Variants in RAI14 observed in about 807,000 individuals in gnomAD.
RAI14 encodes ankycorbin.
In RAI14, 45 loss-of-function variants were observed where a neutral mutation model predicts 115.4. The observed-to-expected ratio is 0.39, with a 90% CI of 0.31 to 0.50. RAI14 has a LOEUF of 0.50. Ranked by LOEUF, RAI14 falls within the 20% of genes least tolerant of loss-of-function variation. The pLI is 0.85. For missense variants in RAI14, 939 were observed against 1,131.2 expected, an observed-to-expected ratio of 0.83 and a Z score of 2.44; for synonymous variants, 371 against 415.4, an observed-to-expected ratio of 0.89 and a Z score of 1.30.
At chr5:34,748,507 T>C (rs1746580715) in intron 2 of RAI14, among the ~76,000 whole-genome samples, 1 of 152,224 alleles carries the variant, frequency 6.6e-6, no homozygotes, top group South Asian at 2.1e-4. Flanking sequence ...ATATTACTTC[T>C]TGCAAGGACT....
intron 2 of RAI14, among the ~76,000 whole-genome samples, chr5:34,718,174 A>G (rs1299934918): frequency 6.6e-6 from 1 of 152,228 alleles, no homozygotes; most frequent in Non-Finnish European, 1.5e-5. Flanking sequence ...GTGGCTGCCC[A>G]TTATTTAAGA....
At chr5:34,812,575 G>A (rs960681629) in intron 10 of RAI14, among the ~76,000 whole-genome samples, 10 of 152,016 alleles carry the variant, frequency 6.6e-5, no homozygotes, top group African/African-American at 2.2e-4. Context: ...TGAGGCAGGA[G>A]AATCACTTGA....
At chr5:34,770,076 G>A (rs1749954624) in intron 3 of RAI14, among the ~76,000 whole-genome samples, 1 of 152,150 alleles carries the variant, frequency 6.6e-6, no homozygotes, top group Admixed American at 6.5e-5. Flanking sequence ...AAAATCGAAT[G>A]TGTATAAGAG....
intron 1 of RAI14, chr5:34,686,445 T>C (rs10072560): frequency 0.74 from 112,001 of 152,030 alleles, 41,543 homozygotes; most frequent in Middle Eastern, 0.82. Context: ...AACATGGTAA[T>C]TATAGTTAGT....
Position 34,803,783 on chromosome 5 carries a change from T to C in RAI14, c.321+7T>C. 6.2e-7 allele frequency: 1 copy of C among 1,608,506 alleles called. No individual in the cohort carries two copies. Among genetic ancestry groups the C allele is most frequent in the Non-Finnish European group, 8.5e-7 (1 of 1,176,478 alleles). On this transcript the variant is annotated splice_region_variant and intron_variant, in intron 5 of 17. Coordinates refer to ENST00000265109, the MANE Select transcript of RAI14 (RefSeq NM_015577.3). ...CATCAGGAAGCTGCTTCAGGTAAGC[T>C]GGTGACAACTTAGAATTATAAATGT...
chr5:34,694,929 C>T (rs1739040822), intron 2 of RAI14, among the ~76,000 whole-genome samples: 1 of 151,938 alleles, frequency 6.6e-6, no homozygotes, highest in African/African-American at 2.4e-5. Context: ...GACAGAGTCT[C>T]GCTCTGTCAC....
At chr5:34,825,306 C>T (rs1191742838) in intron 15 of RAI14, among the ~76,000 whole-genome samples, 7 of 152,206 alleles carry the variant, frequency 4.6e-5, no homozygotes, top group South Asian at 4.1e-4. Flanking sequence ...CATCAATCTT[C>T]GGCCACTTCT....
At chr5:34,734,017 TAC>T (rs941859621) in intron 2 of RAI14, among the ~76,000 whole-genome samples, 3 of 152,098 alleles carry the variant, frequency 2.0e-5, no homozygotes, top group Non-Finnish European at 1.5e-5. Context: ...CAGCTGGGGG[TAC>T]ATAGGCTGCT....
chr5:34,741,888 T>C (rs1745563520), intron 2 of RAI14, among the ~76,000 whole-genome samples: 1 of 152,112 alleles, frequency 6.6e-6, no homozygotes, highest in Non-Finnish European at 1.5e-5. Context: ...CAATGATCAG[T>C]GTCAGAACCT....
chr5:34,749,221 A>G (rs1361347564), intron 2 of RAI14, among the ~76,000 whole-genome samples: 7 of 152,240 alleles, frequency 4.6e-5, no homozygotes, highest in South Asian at 4.1e-4. Flanking sequence ...AGATAATCTC[A>G]GATAGATTCC....
At chr5:34,797,470 TA>T (rs1016501699) in intron 4 of RAI14, among the ~76,000 whole-genome samples, 1 of 151,902 alleles carries the variant, frequency 6.6e-6, no homozygotes, top group Non-Finnish European at 1.5e-5. Context: ...CTAAGAGCCC[TA>T]AAAAAATTTG....
rs563058726 is a variant in RAI14, at chr5:34,710,320, C to T, written c.36+23365C>T. ...CTTGTAGGTGCATTATTCTAGTCCT[C>T]TGTCCTTACATGGTCATCTTCTCCC... On this transcript the variant is annotated intron_variant, in intron 2 of 17. Coordinates refer to ENST00000265109, the MANE Select transcript of RAI14 (RefSeq NM_015577.3). Among the ~76,000 whole-genome samples the T allele has an allele frequency of 2.0e-5, 3 of 152,282 alleles. No homozygotes were observed. In the South Asian group the frequency reaches 6.2e-4, roughly 32 times the overall value.
chr5:34,797,829 A>G (rs537516397), intron 4 of RAI14, among the ~76,000 whole-genome samples: 6 of 152,320 alleles, frequency 3.9e-5, no homozygotes, highest in African/African-American at 1.4e-4. Context: ...TGTCCTCTTA[A>G]GTAGGAGAAG....
At chr5:34,658,263 T>TGTCCC (rs1742434003) in intron 1 of RAI14, among the ~76,000 whole-genome samples, 1 of 152,204 alleles carries the variant, frequency 6.6e-6, no homozygotes, top group African/African-American at 2.4e-5. Flanking sequence ...AATGATGTAG[T>TGTCCC]GTCCCGCCCA....
chr5:34,821,924 T>C (rs1389830738), intron 14 of RAI14, 74 bp downstream of exon 14: 63 of 794,702 alleles, frequency 7.9e-5, no homozygotes, highest in Non-Finnish European at 1.3e-4. Flanking sequence ...TCAGATGTAT[T>C]TTGTTTTAAA....
intron 2 of RAI14, among the ~76,000 whole-genome samples, chr5:34,734,555 A>G (rs1744619077): frequency 6.6e-6 from 1 of 152,198 alleles, no homozygotes; most frequent in Non-Finnish European, 1.5e-5. Flanking sequence ...TTTCTATTGA[A>G]TGATGTCATT....
intron 5 of RAI14, among the ~76,000 whole-genome samples, chr5:34,807,273 G>C (rs933224897): frequency 6.6e-6 from 1 of 152,116 alleles, no homozygotes; most frequent in African/African-American, 2.4e-5. Flanking sequence ...CAGGGCTCTA[G>C]GAGCTGAGAG....
chr5:34,810,776 C>T (rs955673942), intron 7 of RAI14, among the ~76,000 whole-genome samples: 2 of 151,962 alleles, frequency 1.3e-5, no homozygotes, highest in Non-Finnish European at 2.9e-5. Flanking sequence ...CATAAGCAGC[C>T]GCAAGAAGCT....
rs570427508 is a variant in RAI14, at chr5:34,821,424, A to T, written c.995-308A>T. 2.0e-4 allele frequency among the ~76,000 whole-genome samples: 30 copies of T among 152,350 alleles called. No homozygotes were observed. In the South Asian group the frequency reaches 6.0e-3, roughly 31 times the overall value. ...TAACTGAGACTTACAAGGCACAGGG[A>T]AGAACCAAAAACAACCAAGATATGA... On this transcript the variant is annotated intron_variant, in intron 13 of 17. Transcript: ENST00000265109.
Sources: gnomAD v4.1 joint callset for allele counts (sites outside exome capture counted in the v4.1 genomes callset) on GRCh38, gnomAD v4.1.1 for gene constraint, MANE v1.5 for transcripts, NCBI Gene and HGNC (gene_info 2026-07-23, HGNC 2026-07-21) for gene names.